Variants in MEGF10 observed in about 807,000 individuals in gnomAD.
MEGF10 encodes the protein multiple EGF like domains 10.
MEGF10 carries 86 observed loss-of-function variants against 147.5 expected under a neutral mutation model. The observed-to-expected ratio is 0.58, with a 90% CI of 0.49 to 0.70. The LOEUF is 0.70. Among genes scored for constraint, MEGF10 ranks in the 30% least tolerant of loss-of-function variants. The pLI is 0.00. For synonymous variants in MEGF10, 478 were observed against 525.5 expected (o/e 0.91, Z 1.24); for missense variants, 1,329 against 1,487.3 (o/e 0.89, Z 1.75).
chr5:127,425,681 T>A (rs72790416), intron 13 of MEGF10, among the ~76,000 whole-genome samples: 15,667 of 152,076 alleles, frequency 0.1, 896 homozygotes, highest in Non-Finnish European at 0.13. Flanking sequence ...CATTTCATTG[T>A]CTGCACTGGA....
intron 13 of MEGF10, among the ~76,000 whole-genome samples, chr5:127,428,036 A>C (rs929782): frequency 0.019 from 2,837 of 152,066 alleles, 55 homozygotes; most frequent in South Asian, 0.078. Context: ...CATTTCCCCC[A>C]ACAAGAAAAG....
chr5:127,247,449 GAAGAAGAAGAAGAA>G, the MEGF10 span, among the ~76,000 whole-genome samples: 1 of 125,150 alleles, frequency 8.0e-6, no homozygotes, highest in African/African-American at 3.5e-5. Flanking sequence ...AGAAGAAGAA[GAAGAAGAAGAAGAA>G]GAAGAAGAAG....
In MEGF10 at chr5:127,398,812, A is replaced by G. The variant is rs1009325111; in HGVS notation, c.780+16A>G. ...TGGCTGGATGGTAAGCTTCCTTCCC[A>G]CCTCCTCTGCCCCTGCCCCAAAGTC... On this transcript the variant is annotated intron_variant, in intron 7 of 24. Transcript: ENST00000503335. 1.2e-6 allele frequency: 2 copies of G among 1,612,794 alleles called. No homozygotes were observed. Among genetic ancestry groups the G allele is most frequent in the African/African-American group, 2.7e-5 (2 of 74,858 alleles).
intron 9 of MEGF10, 139 bp from the exon 10 acceptor site, chr5:127,417,499 A>C (rs1359965413): frequency 8.5e-6 from 7 of 822,710 alleles, no homozygotes; most frequent in Non-Finnish European, 1.4e-5. Flanking sequence ...AAATCATACC[A>C]AGCCTGGGAA....
At chr5:127,302,163 C>T (rs1419046489) in intron 1 of MEGF10, among the ~76,000 whole-genome samples, 4 of 152,180 alleles carry the variant, frequency 2.6e-5, no homozygotes, top group African/African-American at 9.7e-5. Flanking sequence ...TGTACAAATG[C>T]TCCTAGCAGC....
intron 9 of MEGF10, among the ~76,000 whole-genome samples, chr5:127,415,851 C>T (rs1299297701): frequency 2.9e-5 from 4 of 140,176 alleles, no homozygotes; most frequent in Admixed American, 7.5e-5. Flanking sequence ...GAGCTGAGAT[C>T]GTGCCACTGC....
intron 9 of MEGF10, 83 bp from the exon 10 acceptor site, chr5:127,417,555 T>A: frequency 7.6e-7 from 1 of 1,324,134 alleles, no homozygotes; most frequent in East Asian, 2.3e-5. Flanking sequence ...CATTTAGTGA[T>A]CATTGCTAAA....
At chr5:127,326,244 C>G (rs1243651520) in intron 1 of MEGF10, among the ~76,000 whole-genome samples, 1 of 152,004 alleles carries the variant, frequency 6.6e-6, no homozygotes, top group Non-Finnish European at 1.5e-5. Context: ...TAGGCACACT[C>G]ATTTAACTTA....
At chr5:127,245,254 C>T in the MEGF10 span, among the ~76,000 whole-genome samples, 814 of 152,178 alleles carry the variant, frequency 5.3e-3, 8 homozygotes, top group African/African-American at 0.018. Flanking sequence ...GGTACCAAAA[C>T]AGATATATAG....
chr5:127,442,678 T>TGA (rs1765798615), intron 18 of MEGF10, among the ~76,000 whole-genome samples: 2 of 152,348 alleles, frequency 1.3e-5, no homozygotes, highest in Admixed American at 1.3e-4. Context: ...AAATTGCCCT[T>TGA]AGTGATTATC....
At position 127,457,668 on chromosome 5, in the gene MEGF10, G is replaced by T; in HGVS notation, c.*350G>T. 1 of 242,976 alleles carries T rather than the reference G, an allele frequency of 4.1e-6. No homozygotes were observed. Among genetic ancestry groups the T allele is most frequent in the East Asian group, 9.7e-5 (1 of 10,338 alleles). 15.1% of individuals were successfully genotyped at this position (242,976 alleles called of 1,614,324 possible). A position where few individuals can be genotyped will look rare whatever the true frequency, so the allele number is the denominator to read the frequency against. ...ATTGTTGCTTGAAAAATTAAAATTTGAATATTTTCTCTCTCATTTGCATCA... is the reference window on the plus strand; with the variant it reads ...ATTGTTGCTTGAAAAATTAAAATTTTAATATTTTCTCTCTCATTTGCATCA... On this transcript the variant is annotated 3_prime_UTR_variant, in exon 25 of 25. Transcript: ENST00000503335.
the MEGF10 span, among the ~76,000 whole-genome samples, chr5:127,283,363 GA>G: frequency 6.6e-6 from 1 of 152,020 alleles, no homozygotes; most frequent in Non-Finnish European, 1.5e-5. Context: ...GCAATTTCAG[GA>G]AGATATTCAT....
At chr5:127,442,731 A>T (rs953355419) in intron 18 of MEGF10, among the ~76,000 whole-genome samples, 2 of 152,166 alleles carry the variant, frequency 1.3e-5, no homozygotes, top group Non-Finnish European at 2.9e-5. Flanking sequence ...CCATATACAC[A>T]TCATAGAGGT....
At chr5:127,378,619 A>AT (rs1332405649) in intron 5 of MEGF10, among the ~76,000 whole-genome samples, 1 of 152,092 alleles carries the variant, frequency 6.6e-6, no homozygotes, top group East Asian at 1.9e-4. Context: ...AACCCAGCTA[A>AT]TTTTTTTATT....
intron 4 of MEGF10, among the ~76,000 whole-genome samples, chr5:127,365,543 C>T (rs1490753139): frequency 6.6e-6 from 1 of 152,206 alleles, no homozygotes; most frequent in Non-Finnish European, 1.5e-5. Flanking sequence ...TCAGTGCCCA[C>T]CTGTCCATCA....
At chr5:127,264,422 CAG>C in the MEGF10 span, among the ~76,000 whole-genome samples, 1 of 152,088 alleles carries the variant, frequency 6.6e-6, no homozygotes, top group East Asian at 1.9e-4. Context: ...GTGTGAAAGA[CAG>C]AAACCAATTC....
At chr5:127,287,370 C>T (rs369567509), upstream of MEGF10, among the ~76,000 whole-genome samples, 2 of 151,810 alleles carry the variant, frequency 1.3e-5, no homozygotes, top group Admixed American at 6.6e-5. Flanking sequence ...ACTACTAGAA[C>T]GAATAAGTAA....
the MEGF10 span, among the ~76,000 whole-genome samples, chr5:127,254,862 C>T: frequency 2.0e-5 from 3 of 151,008 alleles, no homozygotes; most frequent in Non-Finnish European, 4.4e-5. Flanking sequence ...AATCACCTGA[C>T]AGGTTCTTTT....
intron 4 of MEGF10, among the ~76,000 whole-genome samples, chr5:127,362,817 TTTC>T (rs1475213215): frequency 6.6e-6 from 1 of 152,216 alleles, no homozygotes; most frequent in Non-Finnish European, 1.5e-5. Flanking sequence ...TTAGATTTGA[TTTC>T]TTCTTGTCCT....
Sources: allele counts gnomAD v4.1 joint callset (sites outside exome capture counted in the v4.1 genomes callset), GRCh38; gene constraint gnomAD v4.1.1; transcripts MANE v1.5; gene names NCBI Gene and HGNC (gene_info 2026-07-23, HGNC 2026-07-21).